ASIC4: variants seen among roughly 807,000 people sequenced by gnomAD.
ASIC4 encodes the protein acid-sensing ion channel 4.
A neutral mutation model predicts 53.4 loss-of-function variants in ASIC4; 28 were observed. The ratio of observed to expected loss-of-function variants is 0.52; its 90% CI spans 0.39 to 0.72. The LOEUF is 0.72. Among genes scored for constraint, ASIC4 ranks in the 30% least tolerant of loss-of-function variants. The pLI is 0.00. For missense variants in ASIC4, 649 were observed against 729.7 expected, an observed-to-expected ratio of 0.89 and a Z score of 1.27; for synonymous variants, 289 against 301.4, an observed-to-expected ratio of 0.96 and a Z score of 0.43.
chr2:219,517,100 G>C lies in ASIC4; in HGVS notation c.582+1794G>C, dbSNP rs1694806622. ...CTTTGTGTCCCCGAGCGGGAGTTGG[G>C]GGTGGGCAGGAAAGGGGAAGGGTGA... is the stretch of plus-strand genomic sequence containing the variant. On this transcript the variant is annotated intron_variant, in intron 1 of 9. Coordinates refer to ENST00000358078, the MANE Select transcript of ASIC4 (RefSeq NM_018674.6). This position sits in a 1 kb window ranked among gnomAD's most constrained non-coding sequence, Gnocchi z 4.2. 6.6e-6 allele frequency: 1 copy of C among 152,452 alleles called. No individual in the cohort carries two copies. Among genetic ancestry groups the C allele is most frequent in the Non-Finnish European group, 1.5e-5 (1 of 68,184 alleles). The allele number at this position is 152,452 out of a possible 1,614,324, so 9.4% of individuals were successfully genotyped here. A position where few individuals can be genotyped will look rare whatever the true frequency, so the allele number is the denominator to read the frequency against.
At chr2:219,507,214 C>T in the ASIC4 span, among the ~76,000 whole-genome samples, 2 of 152,186 alleles carry the variant, frequency 1.3e-5, no homozygotes, top group Non-Finnish European at 2.9e-5. Context: ...CCCTTCACCC[C>T]TGCCTCCCTG....
chr2:219,529,476 G>A (rs1419213248), intron 1 of ASIC4, among the ~76,000 whole-genome samples: 1 of 152,214 alleles, frequency 6.6e-6, no homozygotes, highest in Non-Finnish European at 1.5e-5. Context: ...GAGGGAACGA[G>A]GAATGGGAGA....
chr2:219,514,890 C>A lies in ASIC4; in HGVS notation c.166C>A (p.Arg56=). Residue 56 remains arginine, a synonymous_variant, in exon 1 of 10, where the codon CGG becomes AGG. Transcript: ENST00000358078. The part of the protein sequence containing the change: ...ASTSTLHGLG[R]ACGPGPHGLR... ...CACCAGCACCCTGCATGGACTGGGC[C>A]GGGCCTGTGGCCCAGGCCCCCACGG... 6.8e-6 allele frequency: 11 copies of A among 1,612,758 alleles called. No individual in the cohort carries two copies. The highest frequency in any genetic ancestry group is 9.3e-6 in the Non-Finnish European group (11 of 1,179,860).
chr2:219,532,044 C>A lies in ASIC4; in HGVS notation c.771C>A (p.Ser257Arg). 1 of 1,614,250 alleles carries A rather than the reference C, an allele frequency of 6.2e-7. No homozygotes were observed. The highest frequency in any genetic ancestry group is 8.5e-7 in the Non-Finnish European group (1 of 1,180,048). Residue 257 changes from serine to arginine, a missense_variant, in exon 3 of 10, where the codon AGC becomes AGA. By Grantham distance (110) the Ser-to-Arg change is moderately radical (BLOSUM62 -1). Coordinates refer to ENST00000358078, the MANE Select transcript of ASIC4 (RefSeq NM_018674.6). ...FEAGIRVQIH[S>R]QEEPPYIHQL... is the part of the protein sequence containing the mutation. ...CAGGTATTCGGGTGCAGATCCACAGCCAGGAGGAGCCGCCCTACATCCACC... is the reference window on the plus strand; with the variant it reads ...CAGGTATTCGGGTGCAGATCCACAGACAGGAGGAGCCGCCCTACATCCACC...
At chr2:219,514,427 C>G, upstream of ASIC4, 2 of 1,549,626 alleles carry the variant, frequency 1.3e-6, no homozygotes, top group Non-Finnish European at 1.7e-6. Flanking sequence ...CAGGGACACA[C>G]GCAGGGGCTG....
rs999340281 is a variant in ASIC4 at position 219,514,568 on chromosome 2, C to G, written c.-157C>G. 1.3e-5 allele frequency: 21 copies of G among 1,573,176 alleles called. No individual in the cohort carries two copies. Among genetic ancestry groups the G allele is most frequent in the Non-Finnish European group, 1.6e-5 (18 of 1,159,700 alleles). ...CTGCTGGGAGTGGGAGTGACTCCCC[C>G]ACCTCGGGCCCCCACCCTGTCCCTG... On this transcript the variant is annotated 5_prime_UTR_variant, in exon 1 of 10. Transcript: ENST00000358078.
Position 219,526,080 on chromosome 2 carries a change from C to T in ASIC4, c.583-5678C>T, listed in dbSNP as rs559380591. Reference sequence around the variant, plus strand: ...CTGCCACAGCTCTGAGCCCTGGCCCCGCTAATTGCCTGTTAACCCTGTGGG... The same window carrying T: ...CTGCCACAGCTCTGAGCCCTGGCCCTGCTAATTGCCTGTTAACCCTGTGGG... On this transcript the variant is annotated intron_variant, in intron 1 of 9. Transcript: ENST00000358078. Among the ~76,000 whole-genome samples the T allele has an allele frequency of 9.1e-4, 139 of 152,308 alleles. 2 individuals are homozygous for T. The highest frequency in any genetic ancestry group is 1.5e-3 in the Non-Finnish European group (104 of 68,018).
upstream of ASIC4, among the ~76,000 whole-genome samples, chr2:219,513,891 T>C (rs1694733780): frequency 6.6e-6 from 1 of 152,184 alleles, no homozygotes; most frequent in East Asian, 1.9e-4. Flanking sequence ...GAAGTCACAG[T>C]TGTCCCCTGG....
intron 1 of ASIC4, among the ~76,000 whole-genome samples, chr2:219,529,337 G>C (rs185038639): frequency 6.6e-6 from 1 of 152,324 alleles, no homozygotes; most frequent in Admixed American, 6.5e-5. Context: ...TCAAGGACTT[G>C]AATCTGGGAG....
At position 219,531,804 on chromosome 2, in the gene ASIC4, G is replaced by A. The variant is rs779208340; in HGVS notation, c.629G>A (p.Arg210Gln). 7.4e-6 allele frequency: 12 copies of A among 1,613,262 alleles called. No individual in the cohort carries two copies. The highest frequency in any genetic ancestry group is 6.6e-5 in the South Asian group (6 of 90,940). ...GKCYTFNADP[R>Q]SSLPSRAGGM... ...TGTTACACCTTCAACGCGGACCCGCGGAGCTCGCTGCCCAGCCGGGCAGGG... is the reference window on the plus strand; with the variant it reads ...TGTTACACCTTCAACGCGGACCCGCAGAGCTCGCTGCCCAGCCGGGCAGGG... The change falls in exon 2 of 10, where the codon CGG (arginine) becomes CAG (glutamine). Residue 210 changes from arginine to glutamine, a missense_variant. Transcript: ENST00000358078.
intron 1 of ASIC4, among the ~76,000 whole-genome samples, chr2:219,515,879 C>T (rs1000439878): frequency 6.6e-6 from 1 of 152,102 alleles, no homozygotes; most frequent in African/African-American, 2.4e-5. Context: ...CTCTCACATG[C>T]CTGCCTCACA....
intron 1 of ASIC4, among the ~76,000 whole-genome samples, chr2:219,526,151 C>T (rs1012082279): frequency 6.6e-6 from 1 of 152,148 alleles, no homozygotes; most frequent in Non-Finnish European, 1.5e-5. Flanking sequence ...AGGGAGAGAG[C>T]TTTCTGGAGA....
chr2:219,521,701 A>G (rs1694886985), intron 1 of ASIC4, among the ~76,000 whole-genome samples: 1 of 150,820 alleles, frequency 6.6e-6, no homozygotes, highest in African/African-American at 2.5e-5. Context: ...GAGGGGACAG[A>G]GGCCGGCCTC....
the ASIC4 span, among the ~76,000 whole-genome samples, chr2:219,508,275 A>T: frequency 6.6e-6 from 1 of 151,916 alleles, no homozygotes. Flanking sequence ...TTCTGTTCCG[A>T]GTGGTTGGCA....
chr2:219,527,269 C>T (rs1403061857), intron 1 of ASIC4, among the ~76,000 whole-genome samples: 3 of 152,326 alleles, frequency 2.0e-5, no homozygotes, highest in Admixed American at 6.5e-5. Flanking sequence ...AGGACTGACC[C>T]GGGCTGTGCA....
chr2:219,519,985 G>A (rs1694860460), intron 1 of ASIC4, among the ~76,000 whole-genome samples: 2 of 152,060 alleles, frequency 1.3e-5, no homozygotes, highest in South Asian at 2.1e-4. Flanking sequence ...TCTTTTCCAC[G>A]CTACTGTCTG....
rs752706307 is a variant in ASIC4, at chr2:219,532,007, C to T, written c.734C>T (p.Thr245Met). Residue 245 changes from threonine to methionine, a missense_variant, in exon 3 of 10, where the codon ACG becomes ATG. Thr to Met is a moderately conservative substitution (Grantham distance 81). Transcript: ENST00000358078. ...YLPIWRETNE[T>M]SFEAGIRVQI... The stretch of plus-strand genomic sequence containing the variant: ...CCCCATCTCTGCTGTGCAGATGAGA[C>T]GTCGTTTGAGGCAGGTATTCGGGTG... 3.1e-6 allele frequency: 5 copies of T among 1,614,098 alleles called. No homozygotes were observed. In the South Asian group the frequency reaches 3.3e-5, roughly 11 times the overall value.
chr2:219,537,564 G>T lies in ASIC4; in HGVS notation c.1402-68G>T. 7.1e-7 allele frequency: 1 copy of T among 1,405,198 alleles called. No homozygotes were observed. Among genetic ancestry groups the T allele is most frequent in the Non-Finnish European group, 9.8e-7 (1 of 1,018,642 alleles). The allele number at this position is 1,405,198 out of a possible 1,614,324, so 87.0% of individuals were successfully genotyped here. A position where few individuals can be genotyped will look rare whatever the true frequency, so the allele number is the denominator to read the frequency against. ...TAAGTCCTGTGGGCAGCTGGGCATGGTAAGGCTCACGCTTCTCCTCAACCA... is the reference window on the plus strand; with the variant it reads ...TAAGTCCTGTGGGCAGCTGGGCATGTTAAGGCTCACGCTTCTCCTCAACCA... On this transcript the variant is annotated intron_variant, in intron 8 of 9. Transcript: ENST00000358078. This position sits in a 1 kb window ranked among gnomAD's most constrained non-coding sequence, Gnocchi z 4.9.
chr2:219,532,808 A>G, intron 4 of ASIC4, 75 bp from the exon 5 acceptor site: 2 of 1,365,348 alleles, frequency 1.5e-6, no homozygotes, highest in Non-Finnish European at 2.1e-6. Context: ...GCATGCATGT[A>G]TGTGCTTACA....
Sources: allele counts gnomAD v4.1 joint callset (sites outside exome capture counted in the v4.1 genomes callset), GRCh38; gene constraint gnomAD v4.1.1; non-coding constraint Gnocchi (gnomAD v3.1); transcripts MANE v1.5; gene names NCBI Gene and HGNC (gene_info 2026-07-23, HGNC 2026-07-21).